IPO11: variants seen among roughly 807,000 people sequenced by gnomAD.
The protein encoded by IPO11 is importin-11.
IPO11 carries 66 observed loss-of-function variants against 143.2 expected under a neutral mutation model. The ratio of observed to expected loss-of-function variants is 0.46; its 90% CI spans 0.38 to 0.57. The LOEUF (loss-of-function observed/expected upper bound fraction) is 0.57. Ranked by LOEUF, IPO11 falls within the 20% of genes least tolerant of loss-of-function variation. IPO11 has a pLI of 0.00. For synonymous variants in IPO11, 385 were observed against 377.8 expected (o/e 1.02, Z -0.22); for missense variants, 1,026 against 1,141.0 (o/e 0.90, Z 1.45).
intron 27 of IPO11, among the ~76,000 whole-genome samples, chr5:62,566,605 G>A (rs914567886): frequency 2.0e-5 from 3 of 151,770 alleles, no homozygotes; most frequent in African/African-American, 7.3e-5. Context: ...GGGTATGGTG[G>A]TGCATGCCTA....
chr5:62,621,274 C>T (rs1490392166), intron 29 of IPO11, among the ~76,000 whole-genome samples: 2 of 152,062 alleles, frequency 1.3e-5, no homozygotes, highest in Non-Finnish European at 2.9e-5. Flanking sequence ...GTCACACGAC[C>T]AGGAAGGATT....
chr5:62,555,748 C>T (rs547171335), intron 26 of IPO11, among the ~76,000 whole-genome samples: 1 of 152,212 alleles, frequency 6.6e-6, no homozygotes, highest in South Asian at 2.1e-4. Context: ...CGTGATCCGC[C>T]TGCCTCGGCC....
Position 62,418,089 on chromosome 5 carries a change from C to T in IPO11, c.-7+5160C>T, listed in dbSNP as rs115032501. 7.3e-3 allele frequency among the ~76,000 whole-genome samples: 1,111 copies of T among 152,128 alleles called. 14 individuals are homozygous for T. Among genetic ancestry groups the T allele is most frequent in the African/African-American group, 0.025 (1,036 of 41,490 alleles). ...CACCGCAACCTCTGCCTCCCAAGTT[C>T]GAGTGATTCTCCTGCTGCAGCTTTC... is the stretch of plus-strand genomic sequence containing the variant. On this transcript the variant is annotated intron_variant, in intron 1 of 29. Transcript: ENST00000325324.
At chr5:62,602,278 T>C (rs1469568570) in intron 29 of IPO11, among the ~76,000 whole-genome samples, 2 of 152,126 alleles carry the variant, frequency 1.3e-5, no homozygotes, top group African/African-American at 4.8e-5. Context: ...ACTAACTTGT[T>C]GTAAAAACCA....
chr5:62,581,002 G>C, intron 27 of IPO11: 1 of 1,551,244 alleles, frequency 6.4e-7, no homozygotes, highest in Non-Finnish European at 8.7e-7. Context: ...ACAAGAAGTT[G>C]AGAAGTTGAA....
rs556982521 is a variant in IPO11, at chr5:62,503,902, T to C, written c.1591-765T>C. Among the ~76,000 whole-genome samples the C allele has an allele frequency of 4.0e-4, 61 of 152,282 alleles. 2 individuals carry two copies. The highest frequency in any genetic ancestry group is 1.4e-3 in the African/African-American group (60 of 41,572). On this transcript the variant is annotated intron_variant, in intron 16 of 29. Coordinates refer to ENST00000325324, the MANE Select transcript of IPO11 (RefSeq NM_016338.5). Reference sequence around the variant, plus strand: ...AGTGTAACATCTAAGAAAGTAATGGTTCTCAGCTGGGAAATAAAAGTTTTA... The same window carrying C: ...AGTGTAACATCTAAGAAAGTAATGGCTCTCAGCTGGGAAATAAAAGTTTTA...
intron 1 of IPO11, among the ~76,000 whole-genome samples, chr5:62,418,515 T>G (rs935735199): frequency 6.6e-6 from 1 of 152,224 alleles, no homozygotes; most frequent in Non-Finnish European, 1.5e-5. Flanking sequence ...AACAGTATAG[T>G]GCTATGAACA....
chr5:62,483,229 A>G lies in IPO11; in HGVS notation c.957A>G (p.Gln319=), dbSNP rs377252535. 3.7e-6 allele frequency: 6 copies of G among 1,611,338 alleles called. 1 individual carries two copies. The South Asian group carries it at 4.4e-5, about 12-fold the overall frequency. Residue 319 remains glutamine (Q), a synonymous_variant, in exon 10 of 30, where the codon CAA becomes CAG. Coordinates refer to ENST00000325324, the MANE Select transcript of IPO11 (RefSeq NM_016338.5). ...EGVTFERFIV[Q]CMNLIKMIVK... is the part of the protein sequence containing the mutation. ...TTACATTTGAACGATTCATTGTCCA[A>G]TGTATGAATCTTATTAAGATGATTG...
At chr5:62,500,178 G>A (rs1476280256) in intron 16 of IPO11, among the ~76,000 whole-genome samples, 1 of 152,126 alleles carries the variant, frequency 6.6e-6, no homozygotes. Context: ...CCAGCTACTC[G>A]GGAGGCTGAG....
At chr5:62,514,791 C>T (rs1033499417) in intron 19 of IPO11, among the ~76,000 whole-genome samples, 11 of 152,220 alleles carry the variant, frequency 7.2e-5, no homozygotes, top group African/African-American at 2.4e-4. Context: ...CTGAGCTGTG[C>T]TCCAGGGTAA....
At chr5:62,470,691 CTGAT>C (rs1270328467) in intron 7 of IPO11, among the ~76,000 whole-genome samples, 5 of 150,500 alleles carry the variant, frequency 3.3e-5, no homozygotes, top group African/African-American at 7.3e-5. Context: ...TTTTTTCTGT[CTGAT>C]CATTACATTA....
chr5:62,499,104 A>G (rs536639621), intron 16 of IPO11, among the ~76,000 whole-genome samples: 1 of 152,296 alleles, frequency 6.6e-6, no homozygotes, highest in South Asian at 2.1e-4. Flanking sequence ...ACCAGCATAG[A>G]CATATAGTCA....
At chr5:62,543,688 A>T (rs1448323273) in intron 24 of IPO11, among the ~76,000 whole-genome samples, 3 of 151,974 alleles carry the variant, frequency 2.0e-5, no homozygotes, top group African/African-American at 4.8e-5. Context: ...TATTTCCTTC[A>T]GTTCTGCTCT....
At chr5:62,499,160 C>T (rs1210695163) in intron 16 of IPO11, among the ~76,000 whole-genome samples, 1 of 152,056 alleles carries the variant, frequency 6.6e-6, no homozygotes, top group Non-Finnish European at 1.5e-5. Context: ...CGTCCTTAGG[C>T]GATTTCCTCA....
At chr5:62,540,744 G>A (rs977022626) in intron 24 of IPO11, among the ~76,000 whole-genome samples, 7 of 152,142 alleles carry the variant, frequency 4.6e-5, no homozygotes, top group African/African-American at 1.7e-4. Flanking sequence ...GTTGATGTGA[G>A]GAATACTTGA....
At chr5:62,575,181 G>A (rs769645415) in intron 27 of IPO11, among the ~76,000 whole-genome samples, 50 of 152,138 alleles carry the variant, frequency 3.3e-4, no homozygotes, top group Non-Finnish European at 1.8e-4. Flanking sequence ...CTACTGTCAT[G>A]ATATTTTCAC....
intron 26 of IPO11, among the ~76,000 whole-genome samples, chr5:62,556,102 T>A (rs1352788308): frequency 6.6e-6 from 1 of 152,248 alleles, no homozygotes; most frequent in Non-Finnish European, 1.5e-5. Context: ...TTCTTTGGGC[T>A]GCTGTTAGCT....
chr5:62,467,205 T>C lies in IPO11; in HGVS notation c.591T>C (p.Ser197=), dbSNP rs780956596. Residue 197 remains serine, a synonymous_variant, in exon 6 of 30, where the codon TCT becomes TCC. Transcript: ENST00000325324. ...CAGACACATTCCTGCAAGAAGTTTCTTCTGGCAATGAAGCTGCAATTTTGA... is the reference window on the plus strand; with the variant it reads ...CAGACACATTCCTGCAAGAAGTTTCCTCTGGCAATGAAGCTGCAATTTTGA... ...HHTDTFLQEV[S]SGNEAAILSS... The C allele has an allele frequency of 1.2e-6, 2 of 1,614,104 alleles. No homozygotes were observed. The highest frequency in any genetic ancestry group is 1.7e-6 in the Non-Finnish European group (2 of 1,179,972).
chr5:62,435,288 C>T (rs368480706), intron 1 of IPO11, among the ~76,000 whole-genome samples: 10 of 148,744 alleles, frequency 6.7e-5, no homozygotes, highest in African/African-American at 2.5e-4. Flanking sequence ...CTTTTTACTA[C>T]TTAACGTGGC....
Sources: allele counts gnomAD v4.1 joint callset (sites outside exome capture counted in the v4.1 genomes callset), GRCh38; gene constraint gnomAD v4.1.1; transcripts MANE v1.5; gene names NCBI Gene and HGNC (gene_info 2026-07-23, HGNC 2026-07-21).